The following PRKN variants were observed in gnomAD, a reference collection of about 807,000 sequenced individuals.
The protein encoded by PRKN is parkin RBR E3 ubiquitin protein ligase.
In PRKN, 56 loss-of-function variants were observed where a neutral mutation model predicts 59.5. The observed-to-expected ratio is 0.94, with a 90% CI of 0.76 to 1.18. The LOEUF (loss-of-function observed/expected upper bound fraction) is 1.18. Ranked by LOEUF, PRKN falls within the 50% of genes most tolerant of loss-of-function variation. The pLI is 0.00. For missense variants in PRKN, 657 were observed against 596.4 expected, an observed-to-expected ratio of 1.10 and a Z score of -1.06; for synonymous variants, 250 against 222.1, an observed-to-expected ratio of 1.13 and a Z score of -1.12.
At chr6:162,608,340 G>A (rs531610796) in intron 1 of PRKN, among the ~76,000 whole-genome samples, 89 of 152,298 alleles carry the variant, frequency 5.8e-4, no homozygotes, top group Non-Finnish European at 1.1e-3. Context: ...TGAATATACC[G>A]ACAAAGTCAG....
At chr6:161,500,338 G>A (rs1400299534) in intron 9 of PRKN, among the ~76,000 whole-genome samples, 2 of 151,980 alleles carry the variant, frequency 1.3e-5, no homozygotes, top group Non-Finnish European at 2.9e-5. Context: ...CAGTTTACAT[G>A]AGGTTCACTC....
chr6:161,565,887 G>A (rs1468316956), intron 8 of PRKN, among the ~76,000 whole-genome samples: 2 of 152,084 alleles, frequency 1.3e-5, no homozygotes, highest in East Asian at 1.9e-4. Context: ...TCATACGTCT[G>A]TGCCTGCATA....
rs745814433 is a variant in PRKN, at chr6:162,363,021, G to A, written c.171+80289C>T. 2.6e-5 allele frequency among the ~76,000 whole-genome samples: 4 copies of A among 151,362 alleles called. No individual in the cohort carries two copies. The South Asian group carries it at 6.3e-4, about 24-fold the overall frequency. Reference sequence around the variant, plus strand: ...TGGGCGCCTGTAGTCACAGCTACTCGGGAGGCTGAGGCAGGAGAATGGCAT... The same window carrying A: ...TGGGCGCCTGTAGTCACAGCTACTCAGGAGGCTGAGGCAGGAGAATGGCAT... On this transcript the variant is annotated intron_variant, in intron 2 of 11. Coordinates refer to ENST00000366898, the MANE Select transcript of PRKN (RefSeq NM_004562.3).
At position 162,013,792 on chromosome 6, in the gene PRKN, T is replaced by A. The variant is rs74919559; in HGVS notation, c.618+40299A>T. On this transcript the variant is annotated intron_variant, in intron 5 of 11. Transcript: ENST00000366898. The stretch of plus-strand genomic sequence containing the variant: ...AAAACAAAACTACTTATTAAATTCA[T>A]TTTTATATTGAGTTCTGACTTTATG... 7.6e-3 allele frequency among the ~76,000 whole-genome samples: 1,159 copies of A among 152,296 alleles called. 18 individuals are homozygous for A. The highest frequency in any genetic ancestry group is 0.026 in the African/African-American group (1,098 of 41,558).
chr6:161,838,019 T>G (rs1792833630), intron 6 of PRKN, among the ~76,000 whole-genome samples: 1 of 152,102 alleles, frequency 6.6e-6, no homozygotes, highest in Non-Finnish European at 1.5e-5. Context: ...TTAACCCCCT[T>G]GCCTAGGACA....
At chr6:161,988,714 C>G (rs187537585) in intron 5 of PRKN, among the ~76,000 whole-genome samples, 22 of 152,048 alleles carry the variant, frequency 1.4e-4, no homozygotes, top group Non-Finnish European at 2.5e-4. Flanking sequence ...ACAGTGAGGA[C>G]ATCAATATAT....
chr6:162,095,691 T>C (rs534901595), intron 4 of PRKN, among the ~76,000 whole-genome samples: 2 of 152,240 alleles, frequency 1.3e-5, no homozygotes, highest in African/African-American at 4.8e-5. Context: ...TTTCAGGAGG[T>C]ATACTGATGC....
intron 1 of PRKN, among the ~76,000 whole-genome samples, chr6:162,567,755 G>GA (rs1483214376): frequency 6.6e-6 from 1 of 152,114 alleles, no homozygotes; most frequent in Non-Finnish European, 1.5e-5. Flanking sequence ...CTGGGAAATA[G>GA]AAAAAAGAAT....
At chr6:161,786,474 T>A (rs1790424824) in intron 6 of PRKN, among the ~76,000 whole-genome samples, 1 of 152,174 alleles carries the variant, frequency 6.6e-6, no homozygotes. Flanking sequence ...TTAGGACTTG[T>A]ATATAGTGAT....
intron 5 of PRKN, among the ~76,000 whole-genome samples, chr6:162,013,264 G>C (rs1296831633): frequency 1.3e-5 from 2 of 151,988 alleles, no homozygotes; most frequent in African/African-American, 4.8e-5. Flanking sequence ...TATTTATTTT[G>C]ATACTCAATT....
At chr6:161,926,808 T>C (rs1307516961) in intron 6 of PRKN, among the ~76,000 whole-genome samples, 3 of 152,180 alleles carry the variant, frequency 2.0e-5, no homozygotes, top group Admixed American at 1.3e-4. Context: ...GAGATATAAC[T>C]GTCTTTCTCT....
At chr6:162,085,755 G>T (rs906725613) in intron 4 of PRKN, among the ~76,000 whole-genome samples, 1 of 152,070 alleles carries the variant, frequency 6.6e-6, no homozygotes, top group Non-Finnish European at 1.5e-5. Flanking sequence ...ATCAGCGCTG[G>T]CAGGTTACAT....
In PRKN at chr6:162,414,709, T is replaced by TGAAAAAAAAAAAAAAAAAAA. The variant is rs373871165; in HGVS notation, c.171+28600_171+28601insTTTTTTTTTTTTTTTTTTTC. The stretch of plus-strand genomic sequence containing the variant: ...CTGGTCAACTGAGCAAGACTCCGTC[T>TGAAAAAAAAAAAAAAAAAAA]CAAAAAAAAAAAAAAAAAGTGAATC... On this transcript the variant is annotated intron_variant, in intron 2 of 11. Transcript: ENST00000366898. Among the ~76,000 whole-genome samples, 126 of 44,530 alleles carry TGAAAAAAAAAAAAAAAAAAA rather than the reference T, an allele frequency of 2.8e-3. 29 individuals carry two copies. The highest frequency in any genetic ancestry group is 6.5e-3 in the East Asian group (6 of 918). The allele number at this position is 44,530 out of a possible 152,430, so 29.2% of individuals were successfully genotyped here.
At chr6:161,403,994 C>T (rs1787158803) in intron 9 of PRKN, among the ~76,000 whole-genome samples, 1 of 152,092 alleles carries the variant, frequency 6.6e-6, no homozygotes, top group East Asian at 1.9e-4. Context: ...TATAAATTAC[C>T]CAGTCTGTGG....
At chr6:161,669,241 A>T (rs1784826229) in intron 7 of PRKN, among the ~76,000 whole-genome samples, 1 of 152,210 alleles carries the variant, frequency 6.6e-6, no homozygotes, top group Non-Finnish European at 1.5e-5. Flanking sequence ...CAGAACTGTG[A>T]GAAATAGATG....
chr6:162,659,773 A>G (rs1778808644), intron 1 of PRKN, among the ~76,000 whole-genome samples: 1 of 152,168 alleles, frequency 6.6e-6, no homozygotes, highest in African/African-American at 2.4e-5. Flanking sequence ...TTACATTATT[A>G]TATTTTCATC....
Position 161,887,317 on chromosome 6 carries a change from A to G in PRKN, c.734+85985T>C, listed in dbSNP as rs369439923. On this transcript the variant is annotated intron_variant, in intron 6 of 11. Transcript: ENST00000366898. Reference sequence around the variant, plus strand: ...GACTTACAAAAAAGATGCTGAGCAAAGAAATTAAAGCCAGAAGTAAAAAGT... The same window carrying G: ...GACTTACAAAAAAGATGCTGAGCAAGGAAATTAAAGCCAGAAGTAAAAAGT... Among the ~76,000 whole-genome samples, 35 of 152,232 alleles carry G rather than the reference A, an allele frequency of 2.3e-4. No individual in the cohort carries two copies. In the East Asian group the frequency reaches 3.1e-3, roughly 13 times the overall value.
chr6:161,899,624 T>C (rs1474004385), intron 6 of PRKN, among the ~76,000 whole-genome samples: 1 of 152,156 alleles, frequency 6.6e-6, no homozygotes, highest in Non-Finnish European at 1.5e-5. Flanking sequence ...GCCTGGCTCT[T>C]CTCTTCAGCT....
At position 162,391,619 on chromosome 6, in the gene PRKN, G is replaced by A. The variant is rs115564195; in HGVS notation, c.171+51691C>T. 7.9e-3 allele frequency among the ~76,000 whole-genome samples: 1,207 copies of A among 152,182 alleles called. 13 individuals carry two copies. The highest frequency in any genetic ancestry group is 0.027 in the African/African-American group (1,127 of 41,532). On this transcript the variant is annotated intron_variant, in intron 2 of 11. Coordinates refer to ENST00000366898, the MANE Select transcript of PRKN (RefSeq NM_004562.3). ...GAACATCTGCAATGACTTCATCCTG[G>A]AAGATAATTTTCTTACTGCACATGC...
Sources: allele counts gnomAD v4.1 joint callset (sites outside exome capture counted in the v4.1 genomes callset), GRCh38; gene constraint gnomAD v4.1.1; transcripts MANE v1.5; gene names NCBI Gene and HGNC (gene_info 2026-07-23, HGNC 2026-07-21).